Variants in WWOX observed in about 807,000 individuals in gnomAD.
WWOX encodes the protein WW domain containing oxidoreductase.
In WWOX, 69 loss-of-function variants were observed where a neutral mutation model predicts 46.2. That is an observed-to-expected ratio of 1.49 (90% CI 1.23 to 1.82). WWOX has a LOEUF of 1.82. Among genes scored for constraint, WWOX ranks in the 40% most tolerant of loss-of-function variants. WWOX has a pLI of 0.00. For synonymous variants in WWOX, 359 were observed against 202.6 expected, an observed-to-expected ratio of 1.77 and a Z score of -6.56; for missense variants, 919 against 542.6, an observed-to-expected ratio of 1.69 and a Z score of -6.89.
intron 8 of WWOX, chr16:78,691,377 C>G (rs547632490): frequency 7.9e-5 from 54 of 684,050 alleles, no homozygotes; most frequent in South Asian, 7.2e-4. Context: ...GAAAGGAAAT[C>G]TCCTAAGTTG....
At chr16:78,144,957 CTTA>C (rs1340364169) in intron 4 of WWOX, among the ~76,000 whole-genome samples, 1 of 152,116 alleles carries the variant, frequency 6.6e-6, no homozygotes, top group African/African-American at 2.4e-5. Context: ...AAGAGTACAT[CTTA>C]TTATTCCCCT....
At chr16:78,724,717 A>C (rs72799097) in intron 8 of WWOX, among the ~76,000 whole-genome samples, 1 of 152,140 alleles carries the variant, frequency 6.6e-6, no homozygotes, top group African/African-American at 2.4e-5. Flanking sequence ...CGCACTCTGT[A>C]AGCTCTGAAT....
chr16:78,991,051 C>G (rs1329594284), intron 8 of WWOX, among the ~76,000 whole-genome samples: 1 of 152,192 alleles, frequency 6.6e-6, no homozygotes, highest in African/African-American at 2.4e-5. Flanking sequence ...GAGCAGGACA[C>G]TCTGGGGACA....
At chr16:78,816,434 G>A (rs1368074824) in intron 8 of WWOX, among the ~76,000 whole-genome samples, 1 of 149,788 alleles carries the variant, frequency 6.7e-6, no homozygotes, top group East Asian at 2.0e-4. Flanking sequence ...TAGAAATGGA[G>A]GGCTTTTAAA....
chr16:78,134,333 T>G (rs1428297730), intron 4 of WWOX, among the ~76,000 whole-genome samples: 1 of 137,854 alleles, frequency 7.3e-6, no homozygotes, highest in Non-Finnish European at 1.5e-5. Context: ...GTACAGACTT[T>G]GCAAAGACTA....
At chr16:79,181,904 A>G (rs544495235) in intron 8 of WWOX, among the ~76,000 whole-genome samples, 1 of 152,324 alleles carries the variant, frequency 6.6e-6, no homozygotes, top group South Asian at 2.1e-4. Flanking sequence ...ACTGGGATAG[A>G]GCATTGTTAT....
intron 8 of WWOX, among the ~76,000 whole-genome samples, chr16:78,773,623 A>T (rs2142528361): frequency 6.6e-6 from 1 of 152,324 alleles, no homozygotes; most frequent in East Asian, 1.9e-4. Context: ...AATAGAGTGC[A>T]GGTGCCTCTC....
chr16:79,067,042 G>A (rs2048454361), intron 8 of WWOX, among the ~76,000 whole-genome samples: 1 of 152,156 alleles, frequency 6.6e-6, no homozygotes, highest in African/African-American at 2.4e-5. Context: ...GCTCTGGAAG[G>A]GAGCATCCGC....
At chr16:78,491,345 C>T (rs2667583) in intron 8 of WWOX, among the ~76,000 whole-genome samples, 14,483 of 152,212 alleles carry the variant, frequency 0.095, 807 homozygotes, top group African/African-American at 0.14. Flanking sequence ...AAGTTTTATT[C>T]CCTGTTTAAC....
intron 5 of WWOX, among the ~76,000 whole-genome samples, chr16:78,326,584 C>CG (rs2080626753): frequency 9.9e-6 from 1 of 100,694 alleles, no homozygotes; most frequent in Non-Finnish European, 2.0e-5. Flanking sequence ...CCCGCCCCCC[C>CG]CCCCCGCAAT....
chr16:78,580,352 G>T (rs1474614143), intron 8 of WWOX, among the ~76,000 whole-genome samples: 1 of 152,160 alleles, frequency 6.6e-6, no homozygotes, highest in Non-Finnish European at 1.5e-5. Flanking sequence ...GGAATATCCG[G>T]TGTGAGCCAC....
intron 8 of WWOX, among the ~76,000 whole-genome samples, chr16:78,727,068 C>T (rs529808572): frequency 7.2e-5 from 11 of 152,264 alleles, no homozygotes; most frequent in African/African-American, 2.2e-4. Flanking sequence ...TCCCAGTGCC[C>T]TTGGCAGACC....
At chr16:78,485,391 T>G (rs2084607127) in intron 8 of WWOX, among the ~76,000 whole-genome samples, 1 of 152,098 alleles carries the variant, frequency 6.6e-6, no homozygotes, top group African/African-American at 2.4e-5. Flanking sequence ...TGTTTTGGGT[T>G]TCTTTTGAGG....
intron 8 of WWOX, among the ~76,000 whole-genome samples, chr16:79,146,850 A>T (rs1353164149): frequency 6.6e-6 from 1 of 152,152 alleles, no homozygotes. Flanking sequence ...GTGAGGTTTA[A>T]GGAGGTTGGA....
At chr16:78,110,607 C>G (rs1488814558) in intron 3 of WWOX, among the ~76,000 whole-genome samples, 1 of 152,084 alleles carries the variant, frequency 6.6e-6, no homozygotes, top group Non-Finnish European at 1.5e-5. Flanking sequence ...ACTTTTTCAC[C>G]TCTCTGATTC....
chr16:78,462,818 C>A (rs569781249), intron 8 of WWOX, among the ~76,000 whole-genome samples: 1 of 152,320 alleles, frequency 6.6e-6, no homozygotes, highest in East Asian at 1.9e-4. Context: ...AACGAGGCAG[C>A]GGGCACTGGG....
intron 8 of WWOX, among the ~76,000 whole-genome samples, chr16:78,578,254 T>TTATATATATATATATATATATATATA (rs1194130355): frequency 6.3e-5 from 2 of 31,646 alleles, no homozygotes; most frequent in East Asian, 1.1e-3. Context: ...ATACCAAATT[T>TTATATATATATATATATATATATATA]TATATATATA....
At chr16:78,945,145 A>T (rs1405551497) in intron 8 of WWOX, among the ~76,000 whole-genome samples, 1 of 152,186 alleles carries the variant, frequency 6.6e-6, no homozygotes, top group Non-Finnish European at 1.5e-5. Context: ...GCACCTCTGG[A>T]GTCCACCCTG....
intron 5 of WWOX, among the ~76,000 whole-genome samples, chr16:78,261,788 C>CTAGAGATATATATATA (rs1491587303): frequency 1.9e-3 from 141 of 73,732 alleles, no homozygotes; most frequent in African/African-American, 7.1e-3. Flanking sequence ...ATCTATCTAT[C>CTAGAGATATATATATA]TATATATATA....
Sources: allele counts gnomAD v4.1 joint callset (sites outside exome capture counted in the v4.1 genomes callset), GRCh38; gene constraint gnomAD v4.1.1; transcripts MANE v1.5; gene names NCBI Gene and HGNC (gene_info 2026-07-23, HGNC 2026-07-21).